ORC2: variants seen among roughly 807,000 people sequenced by gnomAD.
ORC2 encodes the protein origin recognition complex subunit 2.
Under a neutral mutation model 77.7 loss-of-function variants are expected in ORC2, and 37 were observed. That is an observed-to-expected ratio of 0.48 (90% CI 0.37 to 0.63). ORC2 has a LOEUF of 0.63. Among genes scored for constraint, ORC2 ranks in the 20% least tolerant of loss-of-function variants. The pLI is 0.00. For missense variants in ORC2, 557 were observed against 661.9 expected (o/e 0.84, Z 1.74); for synonymous variants, 201 against 229.5 (o/e 0.88, Z 1.12).
intron 4 of ORC2, among the ~76,000 whole-genome samples, chr2:200,956,145 T>C (rs1238277949): frequency 6.6e-6 from 1 of 152,220 alleles, no homozygotes; most frequent in African/African-American, 2.4e-5. Flanking sequence ...CAGCTCACTG[T>C]AGCCTCAACC....
chr2:200,956,805 A>C (rs530012793), intron 4 of ORC2, among the ~76,000 whole-genome samples: 16 of 152,232 alleles, frequency 1.1e-4, no homozygotes, highest in African/African-American at 3.6e-4. Context: ...AATAATCTTG[A>C]AAATAACTTT....
Position 200,931,459 on chromosome 2 carries a change from AAGG to A in ORC2, c.808-14_808-12del, listed in dbSNP as rs2040938497. 3.4e-6 allele frequency: 5 copies of A among 1,460,254 alleles called. 1 individual carries two copies. In the South Asian group the frequency reaches 6.1e-5, roughly 18 times the overall value. 90.5% of individuals were successfully genotyped at this position (1,460,254 alleles called of 1,614,324 possible). ...GTTACGCAAAGTTTGCTTTAAAAAA[AAGG>A]AGGAGGGGAAAAAAGTCATTCTCAA... On this transcript the variant is annotated splice_polypyrimidine_tract_variant and intron_variant, in intron 10 of 17. Transcript: ENST00000234296.
At chr2:200,960,389 T>C (rs1255945716) in intron 1 of ORC2, among the ~76,000 whole-genome samples, 4 of 152,214 alleles carry the variant, frequency 2.6e-5, no homozygotes, top group African/African-American at 9.6e-5. Context: ...ATACTTCATC[T>C]ATAACTTATG....
At position 200,911,260 on chromosome 2, in the gene ORC2, G is replaced by T; in HGVS notation, c.*41C>A. 1.7e-6 allele frequency: 2 copies of T among 1,204,148 alleles called. No individual in the cohort carries two copies. The highest frequency in any genetic ancestry group is 2.5e-6 in the Non-Finnish European group (2 of 808,384). The allele number at this position is 1,204,148 out of a possible 1,614,324, so 74.6% of individuals were successfully genotyped here. A position where few individuals can be genotyped will look rare whatever the true frequency, so the allele number is the denominator to read the frequency against. On this transcript the variant is annotated 3_prime_UTR_variant, in exon 18 of 18. Transcript: ENST00000234296. ...TTCAACTAGAGGAGTGGCAGCTGGGGTACAACCCTTCCATGGGAGATTCAA... is the reference window on the plus strand; with the variant it reads ...TTCAACTAGAGGAGTGGCAGCTGGGTTACAACCCTTCCATGGGAGATTCAA...
intron 13 of ORC2, among the ~76,000 whole-genome samples, chr2:200,922,510 C>T (rs954417959): frequency 1.3e-4 from 20 of 150,532 alleles, no homozygotes; most frequent in South Asian, 4.2e-4. Context: ...ATTTAAAAGC[C>T]ACAGGTATTG....
chr2:200,911,256 TG>T lies in ORC2; in HGVS notation c.*44del. The T allele has an allele frequency of 9.1e-7, 1 of 1,099,612 alleles. No individual in the cohort carries two copies. Among genetic ancestry groups the T allele is most frequent in the Non-Finnish European group, 1.4e-6 (1 of 717,206 alleles). The allele number at this position is 1,099,612 out of a possible 1,614,324, so 68.1% of individuals were successfully genotyped here. On this transcript the variant is annotated 3_prime_UTR_variant, in exon 18 of 18. Coordinates refer to ENST00000234296, the MANE Select transcript of ORC2 (RefSeq NM_006190.5). ...CACTTTCAACTAGAGGAGTGGCAGC[TG>T]GGGTACAACCCTTCCATGGGAGATT...
At chr2:200,917,504 A>G (rs2040677102) in intron 15 of ORC2, among the ~76,000 whole-genome samples, 1 of 152,164 alleles carries the variant, frequency 6.6e-6, no homozygotes, top group Non-Finnish European at 1.5e-5. Context: ...ACAGAGTAAC[A>G]ACATTCATTA....
intron 11 of ORC2, among the ~76,000 whole-genome samples, 159 bp from the exon 12 acceptor site, chr2:200,927,059 G>A (rs1235219569): frequency 2.0e-5 from 3 of 151,358 alleles, no homozygotes; most frequent in African/African-American, 4.8e-5. Context: ...GAAGGCAAAC[G>A]CAAAAAAGTT....
Position 200,918,940 on chromosome 2 carries a change from G to A in ORC2, c.1466+1282C>T, listed in dbSNP as rs16835666. Among the ~76,000 whole-genome samples, 31 of 151,038 alleles carry A rather than the reference G, an allele frequency of 2.1e-4. No individual in the cohort carries two copies. The East Asian group carries it at 3.6e-3, about 17-fold the overall frequency. On this transcript the variant is annotated intron_variant, in intron 15 of 17. Transcript: ENST00000234296. ...GGCTGGAGTGCAGTGGCGCAATCTC[G>A]GCTCCCTTCAGCCTCCTCAGCTGAG...
In ORC2 at chr2:200,909,036, A is replaced by G. The variant is rs768139481; in HGVS notation, c.*2265T>C. The G allele has an allele frequency of 1.3e-5, 2 of 152,164 alleles. No homozygotes were observed. Among genetic ancestry groups the G allele is most frequent in the Non-Finnish European group, 2.9e-5 (2 of 68,022 alleles). The allele number at this position is 152,164 out of a possible 1,614,324, so 9.4% of individuals were successfully genotyped here. Reference sequence around the variant, plus strand: ...TTAATAATAAAGTCTACTGACACATACTGCTTGCAAATAGTATAGACACAA... The same window carrying G: ...TTAATAATAAAGTCTACTGACACATGCTGCTTGCAAATAGTATAGACACAA... On this transcript the variant is annotated 3_prime_UTR_variant, in exon 18 of 18. Coordinates refer to ENST00000234296, the MANE Select transcript of ORC2 (RefSeq NM_006190.5).
At chr2:200,945,086 A>C (rs1314967097) in intron 5 of ORC2, among the ~76,000 whole-genome samples, 1 of 152,188 alleles carries the variant, frequency 6.6e-6, no homozygotes, top group Non-Finnish European at 1.5e-5. Context: ...CAGAGCTGAA[A>C]ATATTTACTG....
chr2:200,945,723 C>T lies in ORC2; in HGVS notation c.329-2946G>A, dbSNP rs1044066636. 2.0e-5 allele frequency among the ~76,000 whole-genome samples: 3 copies of T among 152,102 alleles called. No homozygotes were observed. In the South Asian group the frequency reaches 6.2e-4, roughly 31 times the overall value. On this transcript the variant is annotated intron_variant, in intron 5 of 17. Coordinates refer to ENST00000234296, the MANE Select transcript of ORC2 (RefSeq NM_006190.5). ...CTTTAGATTAGTCTATTATCTGGTC[C>T]TATCTAACCAATCTATTTTCTAATT...
intron 1 of ORC2, 154 bp downstream of exon 1, chr2:200,963,336 C>T (rs1177801662): frequency 1.5e-5 from 6 of 397,566 alleles, no homozygotes; most frequent in Non-Finnish European, 2.7e-5. Context: ...GCGCAAAGAC[C>T]ATGCCCCAAG....
At position 200,935,815 on chromosome 2, in the gene ORC2, G is replaced by A. The variant is rs776898613; in HGVS notation, c.592C>T (p.His198Tyr). Reference protein sequence around the residue: ...SEDDEGVAQEHEEDTNAVIFS... With the variant: ...SEDDEGVAQEYEEDTNAVIFS... ...ATGACTGCATTAGTGTCCTCTTCAT[G>A]TTCCTGTGCAACCCCTTCATCATCC... is the stretch of plus-strand genomic sequence containing the variant. Residue 198 changes from histidine (H) to tyrosine (Y), a missense_variant, in exon 9 of 18, where the codon CAT (histidine) becomes TAT (tyrosine). Coordinates refer to ENST00000234296, the MANE Select transcript of ORC2 (RefSeq NM_006190.5). 13 of 1,613,876 alleles carry A rather than the reference G, an allele frequency of 8.1e-6. No individual in the cohort carries two copies. The highest frequency in any genetic ancestry group is 2.7e-5 in the African/African-American group (2 of 74,898).
Position 200,957,351 on chromosome 2 carries a change from C to G in ORC2, c.238+50G>C, listed in dbSNP as rs183896017. Reference sequence around the variant, plus strand: ...GACTACTTTTGTGTATCCTATAAAGCAATTTCTGCTACTAGCAGAAACGAG... The same window carrying G: ...GACTACTTTTGTGTATCCTATAAAGGAATTTCTGCTACTAGCAGAAACGAG... On this transcript the variant is annotated intron_variant, in intron 4 of 17. Transcript: ENST00000234296. 260 of 1,424,992 alleles carry G rather than the reference C, an allele frequency of 1.8e-4. 7 individuals carry two copies. Among genetic ancestry groups the G allele is most frequent in the Middle Eastern group, 7.4e-4 (4 of 5,426 alleles). The allele number at this position is 1,424,992 out of a possible 1,614,324, so 88.3% of individuals were successfully genotyped here.
At chr2:200,940,481 AG>A (rs1249020158) in intron 7 of ORC2, among the ~76,000 whole-genome samples, 1 of 152,144 alleles carries the variant, frequency 6.6e-6, no homozygotes, top group Non-Finnish European at 1.5e-5. Context: ...CCACTTGAAA[AG>A]GCATAATGAG....
At chr2:200,937,247 G>A (rs974402777) in intron 8 of ORC2, among the ~76,000 whole-genome samples, 1 of 152,106 alleles carries the variant, frequency 6.6e-6, no homozygotes, top group African/African-American at 2.4e-5. Context: ...CATAAGACAT[G>A]GGATATAGTT....
intron 9 of ORC2, 140 bp downstream of exon 9, chr2:200,935,559 G>A (rs1369649761): frequency 1.4e-5 from 9 of 644,456 alleles, no homozygotes; most frequent in Non-Finnish European, 2.6e-6. Context: ...AATATATGTG[G>A]GAATTTATGT....
intron 4 of ORC2, among the ~76,000 whole-genome samples, chr2:200,954,904 G>GAATAAATAAATAAATA (rs66473778): frequency 6.9e-6 from 1 of 144,628 alleles, no homozygotes; most frequent in Non-Finnish European, 1.5e-5. Context: ...ATGAATGAAT[G>GAATAAATAAATAAATA]AATAAATAAA....
Sources: gnomAD v4.1 joint callset for allele counts (sites outside exome capture counted in the v4.1 genomes callset) on GRCh38, gnomAD v4.1.1 for gene constraint, MANE v1.5 for transcripts, NCBI Gene and HGNC (gene_info 2026-07-23, HGNC 2026-07-21) for gene names.